The following CELF2 variants were observed in gnomAD, a reference collection of about 807,000 sequenced individuals.
CELF2 encodes the protein CUG triplet repeat RNA-binding protein 2.
In CELF2, 8 loss-of-function variants were observed where a neutral mutation model predicts 62.6. The observed-to-expected ratio is 0.13, with a 90% CI of 0.07 to 0.23. The LOEUF (loss-of-function observed/expected upper bound fraction) is 0.23. Ranked by LOEUF, CELF2 falls within the 10% of genes least tolerant of loss-of-function variation. The probability of loss-of-function intolerance (pLI) is 1.00; values close to 1 mark genes in which losing one functional copy is unlikely to be tolerated. For missense variants in CELF2, 333 were observed against 671.0 expected, an observed-to-expected ratio of 0.50 and a Z score of 5.56; for synonymous variants, 258 against 250.0, an observed-to-expected ratio of 1.03 and a Z score of -0.30.
At chr10:10,722,707 A>G in the CELF2 span, among the ~76,000 whole-genome samples, 2 of 152,256 alleles carry the variant, frequency 1.3e-5, no homozygotes, top group African/African-American at 4.8e-5. Context: ...TGAACCAGCA[A>G]AGACACTTGA....
At chr10:11,257,900 C>G (rs1339507084) in intron 5 of CELF2, 28 bp downstream of exon 5, 2 of 1,612,274 alleles carry the variant, frequency 1.2e-6, no homozygotes, top group Admixed American at 1.7e-5. Context: ...AAAGCCTCTC[C>G]CCTTCAGTGC....
intron 1 of CELF2, among the ~76,000 whole-genome samples, chr10:10,863,082 G>A (rs938979034): frequency 8.5e-5 from 13 of 152,204 alleles, no homozygotes; most frequent in Admixed American, 4.6e-4. Context: ...TAAGAGGCTG[G>A]TGTAGCCAGA....
At chr10:10,500,855 T>C in the CELF2 span, among the ~76,000 whole-genome samples, 1 of 152,216 alleles carries the variant, frequency 6.6e-6, no homozygotes, top group Non-Finnish European at 1.5e-5. Flanking sequence ...TTCTATAATT[T>C]TGTCATTTTT....
At chr10:10,815,928 A>C (rs1780478818) in intron 1 of CELF2, among the ~76,000 whole-genome samples, 1 of 147,512 alleles carries the variant, frequency 6.8e-6, no homozygotes, top group African/African-American at 2.5e-5. Flanking sequence ...TTGCCCCATA[A>C]ATTGGCCTAA....
chr10:10,908,912 G>A lies in CELF2; in HGVS notation c.54-11052G>A, dbSNP rs112290019. ...AGCCGATTCTCCTGCCTCAGCTCCC[G>A]AGTAGCTGGAACTACAGGCATGTGC... On this transcript the variant is annotated intron_variant, in intron 1 of 13. Coordinates refer to the CELF2 transcript ENST00000636488. 5.4e-3 allele frequency among the ~76,000 whole-genome samples: 824 copies of A among 151,960 alleles called. 14 individuals are homozygous for A. The highest frequency in any genetic ancestry group is 0.019 in the African/African-American group (788 of 41,432).
In CELF2 at chr10:10,908,214, ATT is replaced by A. The variant is rs796857171; in HGVS notation, c.54-11728_54-11727del. On this transcript the variant is annotated intron_variant, in intron 1 of 13. Coordinates refer to the CELF2 transcript ENST00000636488. ...TCCTTGTCAAAGAATGTATGAGGGG[ATT>A]TTTTTTTTTTTTTTTTTTTTTGAAA... 9.4e-4 allele frequency among the ~76,000 whole-genome samples: 79 copies of A among 83,734 alleles called. 1 individual carries two copies. Among genetic ancestry groups the A allele is most frequent in the Admixed American group, 7.9e-4 (4 of 5,056 alleles). The allele number at this position is 83,734 out of a possible 152,430, so 54.9% of individuals were successfully genotyped here.
chr10:10,857,649 GTATATATATATA>G lies in CELF2; in HGVS notation c.53+58854_53+58865del, dbSNP rs779543257. 1.1e-3 allele frequency among the ~76,000 whole-genome samples: 104 copies of G among 94,208 alleles called. 3 individuals carry two copies. Among genetic ancestry groups the G allele is most frequent in the African/African-American group, 3.3e-3 (71 of 21,344 alleles). 61.8% of individuals were successfully genotyped at this position (94,208 alleles called of 152,430 possible). On this transcript the variant is annotated intron_variant, in intron 1 of 13. Transcript: ENST00000636488. The stretch of plus-strand genomic sequence containing the variant: ...ATATGTGGTAAACTACATATATATA[GTATATATATATA>G]TATATATATATATATATATATTTTA...
chr10:10,727,465 T>C, the CELF2 span, among the ~76,000 whole-genome samples: 2 of 152,140 alleles, frequency 1.3e-5, no homozygotes, highest in African/African-American at 2.4e-5. Flanking sequence ...ACAGAACATC[T>C]GCCCTTGATT....
chr10:11,074,332 A>AT (rs1478319777), intron 1 of CELF2, among the ~76,000 whole-genome samples: 1 of 152,162 alleles, frequency 6.6e-6, no homozygotes, highest in Non-Finnish European at 1.5e-5. Flanking sequence ...TGCTTAAGGG[A>AT]TTTTTTAAAA....
chr10:10,782,666 C>G, the CELF2 span, among the ~76,000 whole-genome samples: 7 of 152,210 alleles, frequency 4.6e-5, no homozygotes, highest in African/African-American at 1.7e-4. Context: ...AGTGGTAGCA[C>G]TGTGTTTTCC....
chr10:11,140,503 G>A (rs983805150), intron 1 of CELF2, among the ~76,000 whole-genome samples: 3 of 151,962 alleles, frequency 2.0e-5, no homozygotes, highest in Admixed American at 6.6e-5. Flanking sequence ...TCCACCTTTA[G>A]CGTCATGTAG....
chr10:10,770,030 A>T, the CELF2 span, among the ~76,000 whole-genome samples: 1 of 152,248 alleles, frequency 6.6e-6, no homozygotes, highest in Non-Finnish European at 1.5e-5. Flanking sequence ...TATTGTAAGT[A>T]CATGGGGACA....
the CELF2 span, among the ~76,000 whole-genome samples, chr10:10,625,707 C>T: frequency 6.6e-6 from 1 of 152,156 alleles, no homozygotes; most frequent in African/African-American, 2.4e-5. Flanking sequence ...GCATCCTTCC[C>T]CTTCAATCCA....
At chr10:10,618,521 T>C in the CELF2 span, among the ~76,000 whole-genome samples, 1 of 152,212 alleles carries the variant, frequency 6.6e-6, no homozygotes, top group African/African-American at 2.4e-5. Flanking sequence ...TCAATGATCA[T>C]ACTGCAACTC....
Position 11,130,066 on chromosome 10 carries a change from C to T in CELF2, c.75-35420C>T, listed in dbSNP as rs12784156. 2.0e-3 allele frequency among the ~76,000 whole-genome samples: 306 copies of T among 152,252 alleles called. 3 individuals carry two copies. Among genetic ancestry groups the T allele is most frequent in the African/African-American group, 7.2e-3 (298 of 41,538 alleles). ...TAAATGTGTCCCAGAGATTCTGGTACATTGTGTCTTGGTTCTCATTGGTTT... is the reference window on the plus strand; with the variant it reads ...TAAATGTGTCCCAGAGATTCTGGTATATTGTGTCTTGGTTCTCATTGGTTT... On this transcript the variant is annotated intron_variant, in intron 1 of 12. Transcript: ENST00000633077.
chr10:10,815,702 G>A (rs970628073), intron 1 of CELF2, among the ~76,000 whole-genome samples: 2 of 151,922 alleles, frequency 1.3e-5, no homozygotes, highest in African/African-American at 4.8e-5. Context: ...TTTTTTTTTG[G>A]TAGCCATGAA....
chr10:10,956,699 G>A (rs976775321), intron 2 of CELF2, among the ~76,000 whole-genome samples: 24 of 152,242 alleles, frequency 1.6e-4, no homozygotes, highest in African/African-American at 2.9e-4. Context: ...AGGCCAAGCC[G>A]GAGGATTGCT....
At chr10:10,924,723 G>GTTTTTTT (rs751311320) in intron 2 of CELF2, among the ~76,000 whole-genome samples, 15 of 24,488 alleles carry the variant, frequency 6.1e-4, no homozygotes, top group Non-Finnish European at 8.1e-4. Flanking sequence ...TAACTTGATC[G>GTTTTTTT]CTTTTTTTTT....
the CELF2 span, among the ~76,000 whole-genome samples, chr10:10,649,495 T>C: frequency 1.3e-5 from 2 of 152,090 alleles, no homozygotes; most frequent in African/African-American, 4.8e-5. Context: ...ACTCGTGTTA[T>C]ATGTTTTACA....
Sources: gnomAD v4.1 joint callset for allele counts (sites outside exome capture counted in the v4.1 genomes callset) on GRCh38, gnomAD v4.1.1 for gene constraint, MANE v1.5 for transcripts, NCBI Gene and HGNC (gene_info 2026-07-23, HGNC 2026-07-21) for gene names.